The following TRAM1 variants were observed in gnomAD, a reference collection of about 807,000 sequenced individuals.
TRAM1 encodes the protein translocating chain-associated membrane protein 1.
In TRAM1, 17 loss-of-function variants were observed where a neutral mutation model predicts 48.7. The observed-to-expected ratio is 0.35, with a 90% CI of 0.24 to 0.52. TRAM1 has a LOEUF of 0.52. TRAM1 is among the 20% of genes least tolerant of loss of function. The pLI is 0.94. For missense variants in TRAM1, 351 were observed against 441.5 expected (o/e 0.79, Z 1.84); for synonymous variants, 182 against 154.0 (o/e 1.18, Z -1.34).
chr8:70,600,451 A>T (rs1259687416), intron 1 of TRAM1, among the ~76,000 whole-genome samples: 3 of 152,380 alleles, frequency 2.0e-5, no homozygotes, highest in Non-Finnish European at 4.4e-5. Context: ...AATAAAGAGA[A>T]GCACAGTTAG....
chr8:70,608,033 C>A, intron 1 of TRAM1, 44 bp downstream of exon 1: 2 of 1,549,062 alleles, frequency 1.3e-6, no homozygotes, highest in South Asian at 1.2e-5. Context: ...CGGGCCCGGG[C>A]TGGAGGTGGC....
At chr8:70,583,552 C>T in intron 9 of TRAM1, 98 bp downstream of exon 9, 1 of 1,478,860 alleles carries the variant, frequency 6.8e-7, no homozygotes, top group Non-Finnish European at 9.1e-7. Flanking sequence ...TTTTCCCCAA[C>T]CTCATATTCA....
At chr8:70,603,287 CTATA>C (rs914588941) in intron 1 of TRAM1, among the ~76,000 whole-genome samples, 9 of 134,596 alleles carry the variant, frequency 6.7e-5, no homozygotes, top group Admixed American at 5.8e-4. Context: ...TATATACACA[CTATA>C]TATATGTTTT....
At chr8:70,595,347 T>C (rs1390689526) in intron 5 of TRAM1, among the ~76,000 whole-genome samples, 2 of 152,084 alleles carry the variant, frequency 1.3e-5, no homozygotes, top group Non-Finnish European at 2.9e-5. Flanking sequence ...ATAAATATAA[T>C]ATTTACAAAG....
rs777582449 is a variant in TRAM1 at position 70,596,300 on chromosome 8, T to G, written c.448A>C (p.Thr150Pro). 6.2e-7 allele frequency: 1 copy of G among 1,600,828 alleles called. No individual in the cohort carries two copies. Among genetic ancestry groups the G allele is most frequent in the East Asian group, 2.3e-5 (1 of 43,834 alleles). The change falls in exon 5 of 11, where the codon ACT becomes CCT. Residue 150 changes from threonine to proline, a missense_variant. By Grantham distance (38) the Thr-to-Pro change is conservative. Coordinates refer to ENST00000262213, the MANE Select transcript of TRAM1 (RefSeq NM_014294.6). The stretch of plus-strand genomic sequence containing the variant: ...TGGGGATAAGCCCTCCATAAGATAG[T>G]TGGGTCTGAGATGTAGTTTTCCTAA... ...LISENYISDPTILWRAYPHNL... is the reference protein window; with the variant it reads ...LISENYISDPPILWRAYPHNL...
At chr8:70,579,226 T>C (rs1276796843) in intron 10 of TRAM1, among the ~76,000 whole-genome samples, 1 of 152,242 alleles carries the variant, frequency 6.6e-6, no homozygotes, top group Non-Finnish European at 1.5e-5. Flanking sequence ...TGGTATAGCC[T>C]ATTGCTCCTA....
intron 10 of TRAM1, among the ~76,000 whole-genome samples, chr8:70,582,725 A>T (rs1173106128): frequency 6.6e-6 from 1 of 152,194 alleles, no homozygotes; most frequent in African/African-American, 2.4e-5. Flanking sequence ...GGTTAAATGA[A>T]GGCTTTAAAG....
chr8:70,588,900 C>T (rs188888233), intron 6 of TRAM1, among the ~76,000 whole-genome samples: 1 of 152,314 alleles, frequency 6.6e-6, no homozygotes, highest in East Asian at 1.9e-4. Context: ...CTAATTAGAA[C>T]GATGGAAATG....
intron 6 of TRAM1, chr8:70,587,654 ATT>A (rs1817255487): frequency 1.3e-5 from 2 of 154,450 alleles, no homozygotes; most frequent in Non-Finnish European, 2.9e-5. Context: ...TAATATTAAA[ATT>A]GTTATGTTCA....
chr8:70,606,791 G>C (rs1339586122), intron 1 of TRAM1: 1 of 672,714 alleles, frequency 1.5e-6, no homozygotes, highest in Non-Finnish European at 1.8e-6. Flanking sequence ...CATTTGATGA[G>C]AGGCGAAAAT....
At position 70,608,344 on chromosome 8, in the gene TRAM1, C is replaced by G. The variant is rs1196439419; in HGVS notation, c.-145G>C. 11 of 1,088,082 alleles carry G rather than the reference C, an allele frequency of 1.0e-5. No homozygotes were observed. The East Asian group carries it at 3.3e-4, about 33-fold the overall frequency. The allele number at this position is 1,088,082 out of a possible 1,614,324, so 67.4% of individuals were successfully genotyped here. ...TGGGGCTTCACTTCCCATCCCACAGCCAGTACGCAGCCGCCGGGCCGCCCG... is the reference window on the plus strand; with the variant it reads ...TGGGGCTTCACTTCCCATCCCACAGGCAGTACGCAGCCGCCGGGCCGCCCG... On this transcript the variant is annotated 5_prime_UTR_variant, in exon 1 of 11. Transcript: ENST00000262213.
intron 5 of TRAM1, among the ~76,000 whole-genome samples, chr8:70,595,739 G>A (rs1436139143): frequency 6.6e-6 from 1 of 152,068 alleles, no homozygotes; most frequent in Non-Finnish European, 1.5e-5. Flanking sequence ...AAAATAGCAA[G>A]GAAAATTAAT....
At chr8:70,598,900 T>C (rs1159188070) in intron 2 of TRAM1, among the ~76,000 whole-genome samples, 1 of 152,220 alleles carries the variant, frequency 6.6e-6, no homozygotes, top group Non-Finnish European at 1.5e-5. Context: ...CAAAACAGTA[T>C]TGTAGTTTTG....
chr8:70,601,808 C>T (rs1438266357), intron 1 of TRAM1, among the ~76,000 whole-genome samples: 1 of 152,134 alleles, frequency 6.6e-6, no homozygotes, highest in Non-Finnish European at 1.5e-5. Flanking sequence ...TTTATTGATG[C>T]CTACAGCTGA....
chr8:70,591,428 C>T (rs1817357516), intron 6 of TRAM1, among the ~76,000 whole-genome samples: 2 of 152,122 alleles, frequency 1.3e-5, no homozygotes, highest in African/African-American at 4.8e-5. Context: ...CAAAGCCTTG[C>T]CTAGCACCAG....
At chr8:70,598,376 A>T in intron 2 of TRAM1, 121 bp from the exon 3 acceptor site, 1 of 907,670 alleles carries the variant, frequency 1.1e-6, no homozygotes, top group East Asian at 3.4e-5. Context: ...CTATATTAAC[A>T]TCATAAATAA....
rs117745804 is a variant in TRAM1, at chr8:70,605,628, G to C, written c.123+2449C>G. ...AGATTCAGCAGCAATTGTTTTAAAA[G>C]TCGAATAGCAAAACTAACCTAGTCT... On this transcript the variant is annotated intron_variant, in intron 1 of 10. Coordinates refer to ENST00000262213, the MANE Select transcript of TRAM1 (RefSeq NM_014294.6). Among the ~76,000 whole-genome samples, 877 of 152,226 alleles carry C rather than the reference G, an allele frequency of 5.8e-3. 3 individuals carry two copies. Among genetic ancestry groups the C allele is most frequent in the Non-Finnish European group, 9.4e-3 (640 of 68,004 alleles).
chr8:70,607,811 T>A (rs1817782860), intron 1 of TRAM1: 2 of 274,962 alleles, frequency 7.3e-6, no homozygotes, highest in Non-Finnish European at 1.3e-5. Context: ...CGGCGGCGGG[T>A]CAGGAAGGGG....
At chr8:70,581,203 T>G (rs931008034) in intron 10 of TRAM1, among the ~76,000 whole-genome samples, 1 of 152,146 alleles carries the variant, frequency 6.6e-6, no homozygotes, top group Non-Finnish European at 1.5e-5. Flanking sequence ...CTGGGCAACA[T>G]AGCAAGATCC....
Sources: allele counts gnomAD v4.1 joint callset (sites outside exome capture counted in the v4.1 genomes callset), GRCh38; gene constraint gnomAD v4.1.1; transcripts MANE v1.5; gene names NCBI Gene and HGNC (gene_info 2026-07-23, HGNC 2026-07-21).